Variants in CDKL2 observed in about 807,000 individuals in gnomAD.
CDKL2 encodes the protein cyclin-dependent kinase-like 2.
CDKL2 carries 64 observed loss-of-function variants against 63.9 expected under a neutral mutation model. The observed-to-expected ratio is 1.00, with a 90% confidence interval of 0.82 to 1.23. The LOEUF (loss-of-function observed/expected upper bound fraction) is 1.23. Ranked by LOEUF, CDKL2 falls within the 50% of genes most tolerant of loss-of-function variation. The probability of loss-of-function intolerance (pLI) is 0.00; values close to 1 mark genes in which losing one functional copy is unlikely to be tolerated. For synonymous variants in CDKL2, 211 were observed against 229.2 expected, an observed-to-expected ratio of 0.92 and a Z score of 0.72; for missense variants, 656 against 668.0, an observed-to-expected ratio of 0.98 and a Z score of 0.20.
intron 10 of CDKL2, chr4:75,595,970 A>G (rs551482576): frequency 1.5e-4 from 26 of 169,678 alleles, no homozygotes; most frequent in African/African-American, 8.6e-4. Context: ...GGAAGGAAGG[A>G]AGGAAAGAAG....
chr4:75,600,222 T>C (rs1309626115), intron 7 of CDKL2, 59 bp downstream of exon 7: 5 of 1,078,270 alleles, frequency 4.6e-6, no homozygotes, highest in East Asian at 2.4e-5. Context: ...TTTGTGACTA[T>C]TGTGGAAGAC....
rs1365477207 is a variant in CDKL2 at position 75,596,232 on chromosome 4, G to A, written c.1416+15C>T. ...CTGGTGTTTGCTCTTCTACTACTGA[G>A]AACTGCTTACTTACTAATGTGGTCA... On this transcript the variant is annotated intron_variant, in intron 10 of 13. Transcript: ENST00000307465. 4 of 1,471,090 alleles carry A rather than the reference G, an allele frequency of 2.7e-6. No individual in the cohort carries two copies. The highest frequency in any genetic ancestry group is 4.5e-5 in the East Asian group (2 of 44,172). The allele number at this position is 1,471,090 out of a possible 1,614,324, so 91.1% of individuals were successfully genotyped here.
At position 75,592,261 on chromosome 4, in the gene CDKL2, A is replaced by C; in HGVS notation, c.1425T>G (p.Ser475Arg). 1 of 1,530,480 alleles carries C rather than the reference A, an allele frequency of 6.5e-7. No individual in the cohort carries two copies. Among genetic ancestry groups the C allele is most frequent in the Non-Finnish European group, 8.7e-7 (1 of 1,145,394 alleles). The allele number at this position is 1,530,480 out of a possible 1,614,324, so 94.8% of individuals were successfully genotyped here. ...TACTTGCCCAAAAGAGGTTTTTTTC[A>C]CTAGAGACCTAATATCATCAACATA... Reference protein sequence around the residue: ...YNINVTTLVSSEKNLFWASKK... With the variant: ...YNINVTTLVSREKNLFWASKK... Residue 475 changes from serine (S) to arginine (R), a missense_variant, in exon 11 of 14, where the codon AGT (serine) becomes AGG (arginine). Transcript: ENST00000307465.
intron 3 of CDKL2, among the ~76,000 whole-genome samples, chr4:75,608,227 C>T (rs1298391555): frequency 1.4e-5 from 2 of 144,396 alleles, no homozygotes; most frequent in African/African-American, 5.1e-5. Context: ...TGGGTTCAAG[C>T]GATTCTACTG....
intron 8 of CDKL2, among the ~76,000 whole-genome samples, 174 bp downstream of exon 8, chr4:75,597,903 T>C (rs887852129): frequency 2.6e-5 from 4 of 152,224 alleles, no homozygotes; most frequent in Admixed American, 6.5e-5. Context: ...CAAAACATGA[T>C]ATGTTAAGTT....
In CDKL2 at chr4:75,577,368, C is replaced by T. The variant is rs1728067446; in HGVS notation, c.*1834G>A. On this transcript the variant is annotated 3_prime_UTR_variant, in exon 14 of 14. Transcript: ENST00000307465. Reference sequence around the variant, plus strand: ...GAATCTTTTTCTAGTAGTTCTGCCACAGTTCTAATCAGATATGATCCTCAA... The same window carrying T: ...GAATCTTTTTCTAGTAGTTCTGCCATAGTTCTAATCAGATATGATCCTCAA... 6.6e-6 allele frequency among the ~76,000 whole-genome samples: 1 copy of T among 152,160 alleles called. No homozygotes were observed. Among genetic ancestry groups the T allele is most frequent in the Non-Finnish European group, 1.5e-5 (1 of 68,014 alleles).
rs775146136 is a variant in CDKL2, at chr4:75,625,848, A to C, written c.141T>G (p.Ile47Met). The C allele has an allele frequency of 6.2e-7, 1 of 1,612,330 alleles. No homozygotes were observed. Among genetic ancestry groups the C allele is most frequent in the Non-Finnish European group, 8.5e-7 (1 of 1,179,590 alleles). ...TTAGTAACTTGATTTCTCGCATTGC[A>C]ATCTTTTTAACCATTTTGTCATCGT... ...ESDDDKMVKK[I>M]AMREIKLLKQ... The change falls in exon 2 of 14, where the codon ATT becomes ATG. Residue 47 changes from isoleucine (I) to methionine (M), a missense_variant. Physicochemically the swap from Ile to Met is conservative, Grantham distance 10. Transcript: ENST00000307465.
At chr4:75,596,746 T>TTTCTCAG (rs1728957575) in intron 9 of CDKL2, among the ~76,000 whole-genome samples, 189 bp downstream of exon 9, 1 of 152,234 alleles carries the variant, frequency 6.6e-6, no homozygotes. Context: ...AGGACTTTGG[T>TTTCTCAG]GAATTGTTTT....
intron 13 of CDKL2, among the ~76,000 whole-genome samples, chr4:75,579,854 G>A (rs1300420030): frequency 2.6e-5 from 4 of 152,076 alleles, no homozygotes; most frequent in African/African-American, 4.8e-5. Flanking sequence ...ACTCTCCCAC[G>A]GCCTTGAAAG....
At chr4:75,616,765 C>G (rs901124176) in intron 2 of CDKL2, among the ~76,000 whole-genome samples, 23 of 91,906 alleles carry the variant, frequency 2.5e-4, no homozygotes, top group Non-Finnish European at 4.3e-4. Flanking sequence ...AGTTATACAT[C>G]ATAGAATATT....
chr4:75,589,551 G>A (rs992937759), intron 12 of CDKL2, among the ~76,000 whole-genome samples: 3 of 151,610 alleles, frequency 2.0e-5, no homozygotes, highest in Non-Finnish European at 4.4e-5. Flanking sequence ...TGATCCGCCC[G>A]CCTCGGCCTC....
intron 6 of CDKL2, among the ~76,000 whole-genome samples, chr4:75,601,540 T>G (rs1382559228): frequency 6.6e-6 from 1 of 152,122 alleles, no homozygotes; most frequent in Non-Finnish European, 1.5e-5. Flanking sequence ...TAAACAAGAT[T>G]ATCAAAAGGT....
intron 3 of CDKL2, among the ~76,000 whole-genome samples, chr4:75,610,832 T>A (rs1729656333): frequency 6.6e-6 from 1 of 152,116 alleles, no homozygotes; most frequent in Non-Finnish European, 1.5e-5. Context: ...TTTATATATA[T>A]GTATGTATGT....
intron 3 of CDKL2, among the ~76,000 whole-genome samples, chr4:75,608,996 G>GAAAA (rs5859470): frequency 8.3e-6 from 1 of 120,864 alleles, no homozygotes; most frequent in African/African-American, 3.6e-5. Flanking sequence ...TCCATCTCAA[G>GAAAA]AAAAAAAAAA....
At chr4:75,582,695 C>T (rs192075082) in intron 12 of CDKL2, among the ~76,000 whole-genome samples, 37 of 152,140 alleles carry the variant, frequency 2.4e-4, no homozygotes, top group Admixed American at 3.9e-4. Context: ...GGCTGGCAAA[C>T]CCCAAACAGG....
chr4:75,619,577 T>TAAAAAAAA (rs71203836), intron 2 of CDKL2, among the ~76,000 whole-genome samples: 6 of 78,158 alleles, frequency 7.7e-5, no homozygotes, highest in African/African-American at 1.3e-4. Flanking sequence ...CACAGCTGTA[T>TAAAAAAAA]AAAAAAAAAA....
At chr4:75,609,584 C>T (rs931439223) in intron 3 of CDKL2, among the ~76,000 whole-genome samples, 7 of 147,980 alleles carry the variant, frequency 4.7e-5, no homozygotes, top group Non-Finnish European at 7.4e-5. Context: ...CCAGCCTGGG[C>T]GACAGAGACT....
At chr4:75,603,502 G>A (rs1309431099) in intron 6 of CDKL2, among the ~76,000 whole-genome samples, 3 of 150,254 alleles carry the variant, frequency 2.0e-5, no homozygotes, top group Non-Finnish European at 3.0e-5. Context: ...AGGCCGAGGC[G>A]GGCGGATCAC....
In CDKL2 at chr4:75,580,902, G is replaced by T. The variant is rs955504447; in HGVS notation, c.*23+908C>A. On this transcript the variant is annotated intron_variant, in intron 13 of 13. Transcript: ENST00000307465. ...TTTTTAGTAGAGACGGGGTTTCACC[G>T]TGTTAGCCAGGATGGTCTCGATCTC... Among the ~76,000 whole-genome samples, 9 of 151,324 alleles carry T rather than the reference G, an allele frequency of 5.9e-5. No individual in the cohort carries two copies. The East Asian group carries it at 1.8e-3, about 30-fold the overall frequency.
Sources: allele counts gnomAD v4.1 joint callset (sites outside exome capture counted in the v4.1 genomes callset), GRCh38; gene constraint gnomAD v4.1.1; transcripts MANE v1.5; gene names NCBI Gene and HGNC (gene_info 2026-07-23, HGNC 2026-07-21).